FLRT1: variants seen among roughly 807,000 people sequenced by gnomAD.
The protein encoded by FLRT1 is leucine-rich repeat transmembrane protein FLRT1.
FLRT1 carries 14 observed loss-of-function variants against 30.9 expected under a neutral mutation model. That is an observed-to-expected ratio of 0.45 (90% CI 0.30 to 0.71). The LOEUF (loss-of-function observed/expected upper bound fraction) is 0.71. Ranked by LOEUF, FLRT1 falls within the 30% of genes least tolerant of loss-of-function variation. The pLI is 0.08. For synonymous variants in FLRT1, 368 were observed against 430.4 expected (o/e 0.85, Z 1.80); for missense variants, 737 against 949.2 (o/e 0.78, Z 2.94).
intron 1 of FLRT1, among the ~76,000 whole-genome samples, chr11:64,083,830 C>T (rs897661174): frequency 6.6e-6 from 1 of 152,200 alleles, no homozygotes; most frequent in African/African-American, 2.4e-5. Flanking sequence ...AACAGACCGA[C>T]GGATCTGCCA....
chr11:64,073,206 C>A (rs932793484), intron 1 of FLRT1, among the ~76,000 whole-genome samples: 9 of 152,244 alleles, frequency 5.9e-5, no homozygotes, highest in Admixed American at 3.3e-4. Flanking sequence ...CTAAGTTTAC[C>A]CCCTCATCCG....
At chr11:64,062,606 G>T (rs1008188476) in intron 1 of FLRT1, among the ~76,000 whole-genome samples, 1 of 150,790 alleles carries the variant, frequency 6.6e-6, no homozygotes, top group Admixed American at 6.6e-5. Context: ...ACTGTCCTGG[G>T]CGCTGGGGAT....
At chr11:64,081,007 C>T (rs905130418) in intron 1 of FLRT1, among the ~76,000 whole-genome samples, 2 of 152,140 alleles carry the variant, frequency 1.3e-5, no homozygotes, top group Non-Finnish European at 2.9e-5. Context: ...TGCCATCTTC[C>T]CCCAAGGTTA....
At chr11:64,043,833 C>T (rs1013948141) in intron 1 of FLRT1, among the ~76,000 whole-genome samples, 65 of 144,906 alleles carry the variant, frequency 4.5e-4, no homozygotes, top group African/African-American at 1.2e-3. Context: ...TTTTTTATGA[C>T]GGAGTTTCGC....
At chr11:64,104,738 A>G (rs635139) in intron 2 of FLRT1, among the ~76,000 whole-genome samples, 71,036 of 151,996 alleles carry the variant, frequency 0.47, 17,398 homozygotes, top group African/African-American at 0.61. Flanking sequence ...CACCATCTGC[A>G]CTGGCTTCCA....
At chr11:64,063,087 T>C (rs1943934822) in intron 1 of FLRT1, among the ~76,000 whole-genome samples, 1 of 152,146 alleles carries the variant, frequency 6.6e-6, no homozygotes, top group South Asian at 2.1e-4. Flanking sequence ...TTAGTCTCCA[T>C]ATGAGTGGAA....
chr11:64,058,465 G>A (rs1024196435), intron 1 of FLRT1, among the ~76,000 whole-genome samples: 7 of 152,260 alleles, frequency 4.6e-5, no homozygotes, highest in African/African-American at 1.7e-4. Context: ...TGCCACCTGG[G>A]TGGGCGAAGA....
At position 64,082,038 on chromosome 11, in the gene FLRT1, A is replaced by T. The variant is rs1226157143; in HGVS notation, c.-1037-21156A>T. ...GGGCGCCGGATCCCGTGACAGGTTG[A>T]AAAGTGTGTGAGCTGCAGCGTCCTG... is the stretch of plus-strand genomic sequence containing the variant. On this transcript the variant is annotated intron_variant, in intron 1 of 2. Transcript: ENST00000682287. The surrounding 1 kb of genome is among the most constrained non-coding windows in gnomAD (Gnocchi z 4.5). 6.6e-6 allele frequency: 1 copy of T among 152,268 alleles called. No homozygotes were observed. The highest frequency in any genetic ancestry group is 1.9e-4 in the East Asian group (1 of 5,180). The allele number at this position is 152,268 out of a possible 1,614,324, so 9.4% of individuals were successfully genotyped here. A position where few individuals can be genotyped will look rare whatever the true frequency, so the allele number is the denominator to read the frequency against.
At chr11:64,060,140 T>C (rs1307082760) in intron 1 of FLRT1, among the ~76,000 whole-genome samples, 1 of 152,268 alleles carries the variant, frequency 6.6e-6, no homozygotes, top group Non-Finnish European at 1.5e-5. Flanking sequence ...ATTAGTGTTC[T>C]GTCAAGTGAA....
intron 1 of FLRT1, among the ~76,000 whole-genome samples, chr11:64,081,529 C>T (rs533426778): frequency 3.3e-5 from 5 of 152,108 alleles, no homozygotes; most frequent in African/African-American, 1.2e-4. Flanking sequence ...CAGTGTAACA[C>T]CCCCCCGACC....
At chr11:64,071,457 G>T (rs112201301) in intron 1 of FLRT1, among the ~76,000 whole-genome samples, 6 of 152,190 alleles carry the variant, frequency 3.9e-5, no homozygotes, top group Admixed American at 1.3e-4. Context: ...GGCCAGGGCT[G>T]GGGCTGGGCT....
At chr11:64,069,524 A>T (rs1487035647) in intron 1 of FLRT1, among the ~76,000 whole-genome samples, 1 of 152,188 alleles carries the variant, frequency 6.6e-6, no homozygotes, top group Non-Finnish European at 1.5e-5. Context: ...GCACAGCCAC[A>T]GGAAGCCTTT....
chr11:64,056,486 G>C (rs923540148), intron 1 of FLRT1, among the ~76,000 whole-genome samples: 7 of 152,224 alleles, frequency 4.6e-5, no homozygotes, highest in East Asian at 1.9e-4. Flanking sequence ...GGCTGTACTA[G>C]AGAGAAGACA....
chr11:64,076,153 G>A (rs1045226388), intron 1 of FLRT1, among the ~76,000 whole-genome samples: 5 of 152,134 alleles, frequency 3.3e-5, no homozygotes, highest in South Asian at 2.1e-4. Flanking sequence ...TGACCCCAGC[G>A]ACCTTCCCAG....
chr11:64,113,603 GTGGATGGA>G (rs138402349), intron 2 of FLRT1, among the ~76,000 whole-genome samples: 4,605 of 117,418 alleles, frequency 0.039, 112 homozygotes, highest in South Asian at 0.11. Context: ...GGATGGTTAG[GTGGATGGA>G]TGGATGGATG....
At position 64,112,098 on chromosome 11, in the gene FLRT1, G is replaced by A. The variant is rs11231699; in HGVS notation, c.-49-4121G>A. Among the ~76,000 whole-genome samples the A allele has an allele frequency of 0.038, 5,787 of 152,298 alleles. 709 individuals are homozygous for A. In the East Asian group the frequency reaches 0.47, roughly 12 times the overall value. Reference sequence around the variant, plus strand: ...GCCTCTGTTCTCTCATCTACAGAACGAGTCCATCACAGTTTCTCCTTTGAA... The same window carrying A: ...GCCTCTGTTCTCTCATCTACAGAACAAGTCCATCACAGTTTCTCCTTTGAA... On this transcript the variant is annotated intron_variant, in intron 2 of 2. Coordinates refer to ENST00000682287, the MANE Select transcript of FLRT1 (RefSeq NM_013280.5).
At chr11:64,079,070 G>A (rs916045759) in intron 1 of FLRT1, among the ~76,000 whole-genome samples, 13 of 152,098 alleles carry the variant, frequency 8.5e-5, no homozygotes, top group Admixed American at 2.6e-4. Flanking sequence ...GACCGGGGGC[G>A]GTGGGGAGGC....
chr11:64,038,331 G>A (rs1943421842), intron 1 of FLRT1, among the ~76,000 whole-genome samples: 1 of 152,244 alleles, frequency 6.6e-6, no homozygotes, highest in African/African-American at 2.4e-5. Flanking sequence ...CTGCGCAGGG[G>A]TTTACAGCAG....
intron 2 of FLRT1, among the ~76,000 whole-genome samples, chr11:64,114,616 TGGATGGAC>T (rs1944940834): frequency 2.7e-5 from 4 of 150,596 alleles, no homozygotes; most frequent in Admixed American, 6.6e-5. Context: ...GATGGATGGA[TGGATGGAC>T]AGGTGCATGC....
Sources: allele counts gnomAD v4.1 joint callset (sites outside exome capture counted in the v4.1 genomes callset), GRCh38; gene constraint gnomAD v4.1.1; non-coding constraint Gnocchi (gnomAD v3.1); transcripts MANE v1.5; gene names NCBI Gene and HGNC (gene_info 2026-07-23, HGNC 2026-07-21).